The following KIF3A variants were observed in gnomAD, a reference collection of about 807,000 sequenced individuals.
KIF3A encodes the protein kinesin family member 3A.
A neutral mutation model predicts 92.6 loss-of-function variants in KIF3A; 27 were observed. The ratio of observed to expected loss-of-function variants is 0.29; its 90% CI spans 0.21 to 0.40. The LOEUF is 0.40. KIF3A is among the 10% of genes least tolerant of loss of function. The pLI, the probability that KIF3A is intolerant of heterozygous loss-of-function variation, is 1.00. For missense variants in KIF3A, 581 were observed against 872.6 expected, an observed-to-expected ratio of 0.67 and a Z score of 4.21; for synonymous variants, 250 against 275.4, an observed-to-expected ratio of 0.91 and a Z score of 0.92.
At chr5:132,716,544 T>C (rs1753629856) in intron 6 of KIF3A, 102 bp from the exon 7 acceptor site, 1 of 934,514 alleles carries the variant, frequency 1.1e-6, no homozygotes, top group Non-Finnish European at 1.6e-6. Context: ...AAAAACCTGA[T>C]ATGATGCCTG....
intron 11 of KIF3A, among the ~76,000 whole-genome samples, chr5:132,704,660 A>G (rs762809898): frequency 1.3e-5 from 2 of 151,912 alleles, no homozygotes; most frequent in Non-Finnish European, 3.0e-5. Flanking sequence ...CAGAAAACCA[A>G]TAACACTTTT....
Sources: allele counts gnomAD v4.1 joint callset (sites outside exome capture counted in the v4.1 genomes callset), GRCh38; gene constraint gnomAD v4.1.1; transcripts MANE v1.5; gene names NCBI Gene and HGNC (gene_info 2026-07-23, HGNC 2026-07-21).